The following RAD52 variants were observed in gnomAD, a reference collection of about 807,000 sequenced individuals.
RAD52 encodes the protein RAD52 DNA repair protein.
Under a neutral mutation model 55.5 loss-of-function variants are expected in RAD52, and 47 were observed. The observed-to-expected ratio is 0.85, with a 90% CI of 0.67 to 1.08. RAD52 has a LOEUF of 1.08. Among genes scored for constraint, RAD52 ranks in the 50% least tolerant of loss-of-function variants. RAD52 has a pLI of 0.00. For missense variants in RAD52, 468 were observed against 522.8 expected, an observed-to-expected ratio of 0.90 and a Z score of 1.02; for synonymous variants, 184 against 198.9, an observed-to-expected ratio of 0.92 and a Z score of 0.63.
intron 1 of RAD52, among the ~76,000 whole-genome samples, chr12:934,460 C>CA (rs10611406): frequency 7.0e-5 from 9 of 128,818 alleles, no homozygotes; most frequent in African/African-American, 2.7e-4. Flanking sequence ...GACTCCATCT[C>CA]AAAAAAAAAA....
At chr12:931,108 G>A in intron 3 of RAD52, 112 bp downstream of exon 3, 1 of 811,782 alleles carries the variant, frequency 1.2e-6, no homozygotes. Context: ...GAGACCTCCA[G>A]GAACAGTTAA....
At chr12:913,754 G>T in intron 11 of RAD52, 140 bp downstream of exon 11, 1 of 813,380 alleles carries the variant, frequency 1.2e-6, no homozygotes, top group Non-Finnish European at 2.0e-6. Flanking sequence ...AATCAATTCT[G>T]TTCTACTTGC....
intron 7 of RAD52, among the ~76,000 whole-genome samples, chr12:925,230 G>A (rs1416527528): frequency 6.6e-6 from 1 of 152,160 alleles, no homozygotes; most frequent in Non-Finnish European, 1.5e-5. Context: ...GATTCCAGGC[G>A]TGAGCCACGG....
chr12:982,569 T>C (rs1171530829), intron 1 of RAD52, among the ~76,000 whole-genome samples: 1 of 151,526 alleles, frequency 6.6e-6, no homozygotes, highest in African/African-American at 2.4e-5. Context: ...CACTTTCCGA[T>C]AATATGTTCC....
chr12:931,417 A>G, intron 2 of RAD52, 96 bp from the exon 3 acceptor site: 1 of 843,536 alleles, frequency 1.2e-6, no homozygotes, highest in Non-Finnish European at 1.8e-6. Context: ...TCTTAAAAAG[A>G]CCCCCCAGAA....
intron 1 of RAD52, among the ~76,000 whole-genome samples, chr12:972,807 G>A (rs1431582398): frequency 1.3e-5 from 2 of 151,536 alleles, no homozygotes; most frequent in African/African-American, 2.4e-5. Context: ...CTTGAGGTGG[G>A]GGCACACCTG....
rs1956186554 is a variant in RAD52, at chr12:913,138, G to A, written c.*253C>T. On this transcript the variant is annotated 3_prime_UTR_variant, in exon 12 of 12. Coordinates refer to ENST00000358495, the MANE Select transcript of RAD52 (RefSeq NM_134424.4). ...ATAGTTCAGTAATAAATAGTGGGAA[G>A]CCTCACAAGCCGAAGAAAAGGTATT... 2.4e-6 allele frequency: 1 copy of A among 410,476 alleles called. No homozygotes were observed. Among genetic ancestry groups the A allele is most frequent in the East Asian group, 3.8e-5 (1 of 26,150 alleles). 25.4% of individuals were successfully genotyped at this position (410,476 alleles called of 1,614,324 possible). A position where few individuals can be genotyped will look rare whatever the true frequency, so the allele number is the denominator to read the frequency against.
chr12:990,891 CGCGGA>C (rs1257484731), upstream of RAD52, among the ~76,000 whole-genome samples: 1 of 151,952 alleles, frequency 6.6e-6, no homozygotes, highest in Non-Finnish European at 1.5e-5. Context: ...ACCCTGCGCT[CGCGGA>C]GCCGACCCCG....
At chr12:932,170 A>ACAC (rs1246058755) in intron 2 of RAD52, among the ~76,000 whole-genome samples, 4 of 152,184 alleles carry the variant, frequency 2.6e-5, no homozygotes, top group Non-Finnish European at 2.9e-5. Context: ...ACCCTGGCCA[A>ACAC]CATGGTGAAA....
At chr12:915,953 G>A (rs773469542) in intron 9 of RAD52, among the ~76,000 whole-genome samples, 1 of 152,138 alleles carries the variant, frequency 6.6e-6, no homozygotes, top group Non-Finnish European at 1.5e-5. Context: ...CTGACCTCAC[G>A]TGATCCGCCC....
chr12:974,270 C>T (rs11836600), intron 1 of RAD52: 11,678 of 152,252 alleles, frequency 0.077, 567 homozygotes, highest in African/African-American at 0.14. Context: ...AGCCTGATCT[C>T]CAACTGCCAG....
chr12:989,123 G>A (rs1486049344), intron 1 of RAD52, among the ~76,000 whole-genome samples: 1 of 152,148 alleles, frequency 6.6e-6, no homozygotes, highest in East Asian at 1.9e-4. Flanking sequence ...TTGTATCTGA[G>A]ATATAGGGAG....
intron 1 of RAD52, among the ~76,000 whole-genome samples, chr12:937,654 G>A (rs1957709227): frequency 6.6e-6 from 1 of 152,030 alleles, no homozygotes; most frequent in East Asian, 1.9e-4. Context: ...TCGAACTTCT[G>A]ACCTCAGGTG....
rs1052240867 is a variant in RAD52 at position 943,313 on chromosome 12, T to C, written c.-19+6289A>G. 7.2e-5 allele frequency among the ~76,000 whole-genome samples: 11 copies of C among 152,010 alleles called. No homozygotes were observed. In the South Asian group the frequency reaches 1.2e-3, roughly 17 times the overall value. ...AGGACGGAGCCACACGTCCAGGGAG[T>C]AGAGCAGCAGAGGCCCAATCCCAGG... On this transcript the variant is annotated intron_variant, in intron 1 of 11. Transcript: ENST00000358495.
chr12:941,359 C>T (rs996166306), intron 1 of RAD52, among the ~76,000 whole-genome samples: 6 of 152,082 alleles, frequency 3.9e-5, no homozygotes, highest in Non-Finnish European at 8.8e-5. Context: ...ACTCTTGTTG[C>T]CCAGGCTGGA....
At chr12:932,127 G>A (rs1957353611) in intron 2 of RAD52, among the ~76,000 whole-genome samples, 1 of 152,332 alleles carries the variant, frequency 6.6e-6, no homozygotes, top group African/African-American at 2.4e-5. Context: ...GGAGGCCGAG[G>A]CAGGCAGATC....
chr12:927,308 G>A, intron 5 of RAD52, 45 bp from the exon 6 acceptor site: 2 of 1,405,974 alleles, frequency 1.4e-6, no homozygotes, highest in Middle Eastern at 1.8e-4. Flanking sequence ...AGAGCGGCAG[G>A]CGTGCCACAA....
intron 1 of RAD52, among the ~76,000 whole-genome samples, chr12:963,657 G>T (rs1958717534): frequency 6.6e-6 from 1 of 151,942 alleles, no homozygotes; most frequent in Non-Finnish European, 1.5e-5. Context: ...ACTATAAATA[G>T]AATTTTTATA....
chr12:982,107 TC>T (rs1959024977), intron 1 of RAD52, among the ~76,000 whole-genome samples: 1 of 152,228 alleles, frequency 6.6e-6, no homozygotes, highest in African/African-American at 2.4e-5. Flanking sequence ...GGATCAGTCT[TC>T]CCTTTTCTTA....
Sources: allele counts gnomAD v4.1 joint callset (sites outside exome capture counted in the v4.1 genomes callset), GRCh38; gene constraint gnomAD v4.1.1; transcripts MANE v1.5; gene names NCBI Gene and HGNC (gene_info 2026-07-23, HGNC 2026-07-21).